Variants in AGAP1 observed in about 807,000 individuals in gnomAD.
AGAP1 encodes ArfGAP with GTPase domain, ankyrin repeat and PH domain 1.
AGAP1 carries 29 observed loss-of-function variants against 105.3 expected under a neutral mutation model. The observed-to-expected ratio is 0.28, with a 90% CI of 0.21 to 0.38. The LOEUF (loss-of-function observed/expected upper bound fraction) is 0.38. Among genes scored for constraint, AGAP1 ranks in the 10% least tolerant of loss-of-function variants. The pLI is 1.00. For missense variants in AGAP1, 998 were observed against 1,165.1 expected, an observed-to-expected ratio of 0.86 and a Z score of 2.09; for synonymous variants, 509 against 485.9, an observed-to-expected ratio of 1.05 and a Z score of -0.63.
chr2:235,915,957 G>C (rs964713352), intron 11 of AGAP1, among the ~76,000 whole-genome samples: 13 of 152,096 alleles, frequency 8.5e-5, no homozygotes, highest in Non-Finnish European at 1.5e-4. Flanking sequence ...AGAGAAATCT[G>C]ACTGTAGACT....
rs1172737406 is a variant in AGAP1 at position 235,572,976 on chromosome 2, TTTC to T, written c.163+78211_163+78213del. On this transcript the variant is annotated intron_variant, in intron 1 of 17. Transcript: ENST00000304032. ...CAGACTCCCCGATTGCTCCATCTTT[TTTC>T]TTCTTCTTCTTCTTCTTCTTCTTCT... Among the ~76,000 whole-genome samples the T allele has an allele frequency of 4.7e-3, 484 of 103,944 alleles. 11 individuals carry two copies. Among genetic ancestry groups the T allele is most frequent in the Middle Eastern group, 0.027 (6 of 224 alleles). The allele number at this position is 103,944 out of a possible 152,430, so 68.2% of individuals were successfully genotyped here.
At position 235,874,843 on chromosome 2, in the gene AGAP1, G is replaced by A. The variant is rs190164849; in HGVS notation, c.1051-8502G>A. On this transcript the variant is annotated intron_variant, in intron 9 of 17. Coordinates refer to ENST00000304032, the MANE Select transcript of AGAP1 (RefSeq NM_001037131.3). The surrounding 1 kb of genome is among the most constrained non-coding windows in gnomAD (Gnocchi z 4.5). ...TGTGTGTGCGTGTGCTCTTGCACAC[G>A]CTCATGGATCAAGGCAGAGGATGAG... Among the ~76,000 whole-genome samples, 4 of 152,280 alleles carry A rather than the reference G, an allele frequency of 2.6e-5. No homozygotes were observed. The East Asian group carries it at 7.7e-4, about 29-fold the overall frequency.
chr2:235,631,626 C>T lies in AGAP1; in HGVS notation c.164-77553C>T, dbSNP rs557578359. Among the ~76,000 whole-genome samples the T allele has an allele frequency of 2.0e-5, 3 of 152,188 alleles. No individual in the cohort carries two copies. The highest frequency in any genetic ancestry group is 6.5e-5 in the Admixed American group (1 of 15,280). The stretch of plus-strand genomic sequence containing the variant: ...TTGCTTCTTCCCTGGGCTTGCTTTC[C>T]GTGTGATTCTGGGCAAGTTGGTTAA... On this transcript the variant is annotated intron_variant, in intron 1 of 17. Coordinates refer to ENST00000304032, the MANE Select transcript of AGAP1 (RefSeq NM_001037131.3). This position sits in a 1 kb window ranked among gnomAD's most constrained non-coding sequence, Gnocchi z 5.4.
At chr2:235,995,948 C>A (rs1576003604) in intron 13 of AGAP1, among the ~76,000 whole-genome samples, 1 of 152,216 alleles carries the variant, frequency 6.6e-6, no homozygotes, top group East Asian at 1.9e-4. Flanking sequence ...AGGTCAGCCT[C>A]AATAAAAGAC....
chr2:235,909,494 C>A (rs2051472120), intron 11 of AGAP1, among the ~76,000 whole-genome samples: 1 of 152,070 alleles, frequency 6.6e-6, no homozygotes, highest in Non-Finnish European at 1.5e-5. Context: ...AGTTGCAAGC[C>A]ATCCAAAATG....
At position 235,801,189 on chromosome 2, in the gene AGAP1, A is replaced by G. The variant is rs1407210574; in HGVS notation, c.957+1667A>G. On this transcript the variant is annotated intron_variant, in intron 8 of 17. Transcript: ENST00000304032. The surrounding 1 kb of genome is among the most constrained non-coding windows in gnomAD (Gnocchi z 6.0). ...CTGGGCAGCAGGGTGAGGACTGATCAGACAGACCAAGCTCCCATCCCGGCC... is the reference window on the plus strand; with the variant it reads ...CTGGGCAGCAGGGTGAGGACTGATCGGACAGACCAAGCTCCCATCCCGGCC... Among the ~76,000 whole-genome samples, 1 of 152,118 alleles carries G rather than the reference A, an allele frequency of 6.6e-6. No individual in the cohort carries two copies. The highest frequency in any genetic ancestry group is 2.4e-5 in the African/African-American group (1 of 41,424).
Position 235,573,054 on chromosome 2 carries a change from C to CTTCTTCT in AGAP1, c.163+78242_163+78248dup, listed in dbSNP as rs554093718. Among the ~76,000 whole-genome samples the CTTCTTCT allele has an allele frequency of 7.0e-3, 154 of 22,150 alleles. 8 individuals are homozygous for CTTCTTCT. Among genetic ancestry groups the CTTCTTCT allele is most frequent in the Non-Finnish European group, 8.6e-3 (113 of 13,070 alleles). The allele number at this position is 22,150 out of a possible 152,430, so 14.5% of individuals were successfully genotyped here. A position where few individuals can be genotyped will look rare whatever the true frequency, so the allele number is the denominator to read the frequency against. ...TCTTCTTCTTCTTCTTCTTCTTCTT[C>CTTCTTCT]TTCTTCTTTCTTCTTTCTTCTTTCT... On this transcript the variant is annotated intron_variant, in intron 1 of 17. Coordinates refer to ENST00000304032, the MANE Select transcript of AGAP1 (RefSeq NM_001037131.3).
rs187971581 is a variant in AGAP1, at chr2:235,955,199, G to A, written c.1484-13263G>A. On this transcript the variant is annotated intron_variant, in intron 12 of 17. Coordinates refer to ENST00000304032, the MANE Select transcript of AGAP1 (RefSeq NM_001037131.3). ...GCTGGAGCTGCCTTCGAGTCTGTGC[G>A]GTTCCAGTTCATGGAGCACTGTGCA... is the stretch of plus-strand genomic sequence containing the variant. Among the ~76,000 whole-genome samples the A allele has an allele frequency of 3.1e-3, 465 of 152,232 alleles. 1 individual carries two copies. Among genetic ancestry groups the A allele is most frequent in the Admixed American group, 6.0e-3 (92 of 15,292 alleles).
At chr2:235,497,063 G>A (rs1478280370) in intron 1 of AGAP1, among the ~76,000 whole-genome samples, 2 of 152,182 alleles carry the variant, frequency 1.3e-5, no homozygotes, top group African/African-American at 4.8e-5. Context: ...TTTCATTTCT[G>A]TAGAACTTTA....
chr2:235,676,066 C>T (rs924126341), intron 1 of AGAP1, among the ~76,000 whole-genome samples: 3 of 152,142 alleles, frequency 2.0e-5, no homozygotes, highest in Non-Finnish European at 4.4e-5. Flanking sequence ...ACATATATTG[C>T]ATGTTTATGG....
rs953017863 is a variant in AGAP1 at position 235,977,044 on chromosome 2, G to A, written c.1645+8421G>A. ...CCTTTCTAAGATACAGAAATGTGAC[G>A]GACCTCAACTCCTTTTTTTTAGCTA... On this transcript the variant is annotated intron_variant, in intron 13 of 17. Coordinates refer to ENST00000304032, the MANE Select transcript of AGAP1 (RefSeq NM_001037131.3). The surrounding 1 kb of genome is among the most constrained non-coding windows in gnomAD (Gnocchi z 5.2). Among the ~76,000 whole-genome samples the A allele has an allele frequency of 9.2e-5, 14 of 152,052 alleles. No individual in the cohort carries two copies. The highest frequency in any genetic ancestry group is 1.7e-4 in the African/African-American group (7 of 41,382).
rs1310446150 is a variant in AGAP1 at position 235,889,544 on chromosome 2, G to GC, written c.1155+6097dup. On this transcript the variant is annotated intron_variant, in intron 10 of 17. Coordinates refer to ENST00000304032, the MANE Select transcript of AGAP1 (RefSeq NM_001037131.3). This position sits in a 1 kb window ranked among gnomAD's most constrained non-coding sequence, Gnocchi z 4.6. ...CTCGTCATCCCCCAAAAGTGTCTTT[G>GC]CCTTTTTTTTTTTTTTTTAGCCCTG... 2.4e-5 allele frequency among the ~76,000 whole-genome samples: 3 copies of GC among 126,788 alleles called. No individual in the cohort carries two copies. The highest frequency in any genetic ancestry group is 4.9e-5 in the Non-Finnish European group (3 of 60,990). The allele number at this position is 126,788 out of a possible 152,430, so 83.2% of individuals were successfully genotyped here. A position where few individuals can be genotyped will look rare whatever the true frequency, so the allele number is the denominator to read the frequency against.
intron 8 of AGAP1, among the ~76,000 whole-genome samples, chr2:235,805,534 TATTTTTTGTTAATTAAAAAAAA>T (rs1957794315): frequency 6.6e-6 from 1 of 152,202 alleles, no homozygotes; most frequent in Admixed American, 6.5e-5. Flanking sequence ...TACTCTTAAA[TATTTTTTGTTAATTAAAAAAAA>T]ATTTTTTTAA....
At position 235,963,701 on chromosome 2, in the gene AGAP1, C is replaced by G. The variant is rs913152255; in HGVS notation, c.1484-4761C>G. ...TAAGGTGGGAAGCTCTATCTTGACT[C>G]CACCCTGTTCACCATCTTTTTCATT... is the stretch of plus-strand genomic sequence containing the variant. On this transcript the variant is annotated intron_variant, in intron 12 of 17. Coordinates refer to ENST00000304032, the MANE Select transcript of AGAP1 (RefSeq NM_001037131.3). This position sits in a 1 kb window ranked among gnomAD's most constrained non-coding sequence, Gnocchi z 5.1. Among the ~76,000 whole-genome samples, 1 of 152,090 alleles carries G rather than the reference C, an allele frequency of 6.6e-6. No homozygotes were observed. Among genetic ancestry groups the G allele is most frequent in the African/African-American group, 2.4e-5 (1 of 41,412 alleles).
intron 1 of AGAP1, among the ~76,000 whole-genome samples, chr2:235,575,168 TA>T (rs1944692743): frequency 6.6e-6 from 1 of 151,974 alleles, no homozygotes; most frequent in South Asian, 2.1e-4. Context: ...ACATTGAGAA[TA>T]AAGAGATGGT....
In AGAP1 at chr2:235,535,222, C is replaced by T. The variant is rs996189921; in HGVS notation, c.163+40373C>T. ...CCATCGTTTGCAGGAGCGGAAGACCCGATGGAGCAGGTTTCACAGTGCCCT... is the reference window on the plus strand; with the variant it reads ...CCATCGTTTGCAGGAGCGGAAGACCTGATGGAGCAGGTTTCACAGTGCCCT... On this transcript the variant is annotated intron_variant, in intron 1 of 17. Coordinates refer to ENST00000304032, the MANE Select transcript of AGAP1 (RefSeq NM_001037131.3). The surrounding 1 kb of genome is among the most constrained non-coding windows in gnomAD (Gnocchi z 5.1). Among the ~76,000 whole-genome samples the T allele has an allele frequency of 4.6e-5, 7 of 152,044 alleles. No homozygotes were observed. Among genetic ancestry groups the T allele is most frequent in the East Asian group, 3.9e-4 (2 of 5,170 alleles).
rs2056562447 is a variant in AGAP1, at chr2:236,012,826, T to C, written c.1646-23735T>C. Among the ~76,000 whole-genome samples, 1 of 152,160 alleles carries C rather than the reference T, an allele frequency of 6.6e-6. No homozygotes were observed. On this transcript the variant is annotated intron_variant, in intron 13 of 17. Transcript: ENST00000304032. The surrounding 1 kb of genome is among the most constrained non-coding windows in gnomAD (Gnocchi z 4.9). ...TGGAATCTCTCACTGTCGCCCAGGC[T>C]GGAGTGCAGTGGTACGATCTCAGCT...
chr2:235,794,218 T>G (rs548672320), intron 6 of AGAP1, among the ~76,000 whole-genome samples: 11 of 152,326 alleles, frequency 7.2e-5, no homozygotes, highest in African/African-American at 2.6e-4. Context: ...GTTAGAGGTA[T>G]CTTTTATCTG....
At chr2:235,763,409 T>C (rs1954634415) in intron 6 of AGAP1, among the ~76,000 whole-genome samples, 2 of 152,210 alleles carry the variant, frequency 1.3e-5, no homozygotes, top group South Asian at 4.1e-4. Flanking sequence ...CGGCATTTCC[T>C]TGAGCAAACA....
Sources: allele counts gnomAD v4.1 joint callset (sites outside exome capture counted in the v4.1 genomes callset), GRCh38; gene constraint gnomAD v4.1.1; non-coding constraint Gnocchi (gnomAD v3.1); transcripts MANE v1.5; gene names NCBI Gene and HGNC (gene_info 2026-07-23, HGNC 2026-07-21).